The following LRRC37A variants were observed in gnomAD, a reference collection of about 807,000 sequenced individuals.
LRRC37A encodes leucine-rich repeat-containing protein 37A.
LRRC37A carries 3 observed loss-of-function variants against 35.4 expected under a neutral mutation model. The observed-to-expected ratio is 0.08, with a 90% CI of 0.04 to 0.22. LRRC37A has a LOEUF of 0.22. LRRC37A is among the 10% of genes least tolerant of loss of function. The pLI is 1.00. For missense variants in LRRC37A, 67 were observed against 565.3 expected (o/e 0.12, Z 8.94); for synonymous variants, 23 against 215.0 (o/e 0.11, Z 7.81).
the LRRC37A span, among the ~76,000 whole-genome samples, chr17:46,283,616 A>G: frequency 1.1e-4 from 17 of 152,342 alleles, no homozygotes; most frequent in East Asian, 3.1e-3. Context: ...TGGTGTGGTG[A>G]AGGGGTGGGT....
chr17:46,258,627 C>A, the LRRC37A span, among the ~76,000 whole-genome samples: 1 of 151,302 alleles, frequency 6.6e-6, no homozygotes, highest in African/African-American at 2.4e-5. Context: ...TATAGATATA[C>A]AGTGGAATAC....
upstream of LRRC37A, among the ~76,000 whole-genome samples, chr17:46,291,836 C>T (rs2050076363): frequency 1.3e-5 from 2 of 151,996 alleles, no homozygotes; most frequent in Non-Finnish European, 2.9e-5. Context: ...TGGCACGCGC[C>T]TGTAGTCCCA....
intron 3 of LRRC37A, among the ~76,000 whole-genome samples, chr17:46,304,929 T>C (rs1414380455): frequency 1.5e-5 from 1 of 67,748 alleles, no homozygotes; most frequent in Non-Finnish European, 4.6e-5. Context: ...AGTGCAGTGG[T>C]GCGATCTCGG....
the LRRC37A span, among the ~76,000 whole-genome samples, chr17:46,258,719 T>TG: frequency 1.4e-5 from 2 of 142,096 alleles, no homozygotes; most frequent in Admixed American, 1.4e-4. Flanking sequence ...TTTTTTTTTT[T>TG]TTTTTTTTTT....
chr17:46,249,841 G>C, the LRRC37A span, among the ~76,000 whole-genome samples: 1 of 152,206 alleles, frequency 6.6e-6, no homozygotes, highest in African/African-American at 2.4e-5. Flanking sequence ...GTCTCGCTCT[G>C]TCGCCCAGGC....
the LRRC37A span, among the ~76,000 whole-genome samples, chr17:46,270,100 C>A: frequency 6.6e-6 from 1 of 152,192 alleles, no homozygotes; most frequent in Non-Finnish European, 1.5e-5. Context: ...ACAGAGACAC[C>A]ACTAATGCAT....
chr17:46,256,304 G>A, the LRRC37A span, among the ~76,000 whole-genome samples: 7 of 152,112 alleles, frequency 4.6e-5, no homozygotes, highest in African/African-American at 1.4e-4. Flanking sequence ...AGAATCGCTT[G>A]AACCCAGGAG....
the LRRC37A span, among the ~76,000 whole-genome samples, chr17:46,250,278 G>A: frequency 3.6e-5 from 4 of 112,176 alleles, no homozygotes; most frequent in South Asian, 2.4e-4. Context: ...CCCAAATCAC[G>A]GTTCCAGACA....
intron 5 of LRRC37A, among the ~76,000 whole-genome samples, chr17:46,317,172 A>C (rs1458428025): frequency 1.2e-4 from 10 of 85,014 alleles, no homozygotes; most frequent in Non-Finnish European, 2.1e-4. Flanking sequence ...CGCTCCTCAC[A>C]TCCCAGACGG....
chr17:46,267,928 T>C, the LRRC37A span, among the ~76,000 whole-genome samples: 1 of 134,802 alleles, frequency 7.4e-6, no homozygotes, highest in African/African-American at 3.0e-5. Flanking sequence ...TTAGACAGAG[T>C]CTCGCTCTGT....
chr17:46,307,941 G>A lies in LRRC37A; in HGVS notation c.2906+1632G>A, dbSNP rs1159831289. Among the ~76,000 whole-genome samples, 6 of 75,238 alleles carry A rather than the reference G, an allele frequency of 8.0e-5. 2 individuals carry two copies. Among genetic ancestry groups the A allele is most frequent in the African/African-American group, 2.0e-4 (6 of 29,774 alleles). 49.4% of individuals were successfully genotyped at this position (75,238 alleles called of 152,430 possible). A position where few individuals can be genotyped will look rare whatever the true frequency, so the allele number is the denominator to read the frequency against. On this transcript the variant is annotated intron_variant, in intron 5 of 13. Transcript: ENST00000320254. ...GCAGGAGAATCACTTGAAACCAGGAGGCGGAGGTTGCAGTGAGCCGAGATG... is the reference window on the plus strand; with the variant it reads ...GCAGGAGAATCACTTGAAACCAGGAAGCGGAGGTTGCAGTGAGCCGAGATG...
the LRRC37A span, among the ~76,000 whole-genome samples, chr17:46,257,820 CAA>C: frequency 0.13 from 18,395 of 144,694 alleles, 265 homozygotes; most frequent in Middle Eastern, 0.19. Context: ...AGGCCCATGT[CAA>C]AAAAAAAAAA....
At chr17:46,275,318 A>G in the LRRC37A span, 1 of 801,590 alleles carries the variant, frequency 1.2e-6, no homozygotes, top group Non-Finnish European at 1.9e-6. Context: ...CTGGCTCCTT[A>G]ATTTAAAATA....
At chr17:46,280,025 T>G in the LRRC37A span, among the ~76,000 whole-genome samples, 1 of 152,212 alleles carries the variant, frequency 6.6e-6, no homozygotes, top group Admixed American at 6.5e-5. Flanking sequence ...TCACCTTGAG[T>G]CAGAGTAATT....
the LRRC37A span, among the ~76,000 whole-genome samples, chr17:46,271,164 C>CTTT: frequency 8.2e-5 from 10 of 121,282 alleles, no homozygotes; most frequent in African/African-American, 1.5e-4. Flanking sequence ...GTAATAGTTT[C>CTTT]TTTTTTTTTT....
At chr17:46,278,662 A>G in the LRRC37A span, among the ~76,000 whole-genome samples, 1 of 152,020 alleles carries the variant, frequency 6.6e-6, no homozygotes, top group Non-Finnish European at 1.5e-5. Context: ...TCGGCCTCCC[A>G]AAGTGCTGAG....
At chr17:46,272,256 A>G in the LRRC37A span, among the ~76,000 whole-genome samples, 1 of 152,258 alleles carries the variant, frequency 6.6e-6, no homozygotes, top group Non-Finnish European at 1.5e-5. Flanking sequence ...CTGTGGTAGA[A>G]ACATCCTAAG....
the LRRC37A span, among the ~76,000 whole-genome samples, chr17:46,249,969 T>A: frequency 1.3e-5 from 2 of 152,166 alleles, no homozygotes; most frequent in Non-Finnish European, 2.9e-5. Context: ...CATGCCCGAC[T>A]AGTTCTTTAT....
chr17:46,282,234 C>T, the LRRC37A span, among the ~76,000 whole-genome samples: 17,789 of 148,266 alleles, frequency 0.12, 2 homozygotes, highest in Middle Eastern at 0.19. Flanking sequence ...TCCCGAGTAG[C>T]TGGGACTACA....
Sources: gnomAD v4.1 joint callset for allele counts (sites outside exome capture counted in the v4.1 genomes callset) on GRCh38, gnomAD v4.1.1 for gene constraint, MANE v1.5 for transcripts, NCBI Gene and HGNC (gene_info 2026-07-23, HGNC 2026-07-21) for gene names.